Variants in CCNY observed in about 807,000 individuals in gnomAD.
The protein encoded by CCNY is cyclin-Y.
A neutral mutation model predicts 42.8 loss-of-function variants in CCNY; 19 were observed. The ratio of observed to expected loss-of-function variants is 0.44; its 90% CI spans 0.31 to 0.65. The LOEUF is 0.65. Ranked by LOEUF, CCNY falls within the 30% of genes least tolerant of loss-of-function variation. The probability of loss-of-function intolerance (pLI) is 0.07; values close to 1 mark genes in which losing one functional copy is unlikely to be tolerated. For synonymous variants in CCNY, 165 were observed against 162.7 expected (o/e 1.01, Z -0.11); for missense variants, 370 against 437.3 (o/e 0.85, Z 1.37).
rs370822553 is a variant in CCNY, at chr10:35,485,796, A to G, written c.229+2318A>G. ...TTAATGAATTCTTTAGTGACATGAT[A>G]ATCAGAGAATTGGCTACTTGGTGAA... On this transcript the variant is annotated intron_variant, in intron 2 of 9. Coordinates refer to ENST00000374704, the MANE Select transcript of CCNY (RefSeq NM_145012.6). 4.6e-5 allele frequency among the ~76,000 whole-genome samples: 7 copies of G among 152,060 alleles called. No homozygotes were observed. In the East Asian group the frequency reaches 1.3e-3, roughly 29 times the overall value.
At chr10:35,451,541 C>T (rs1838916419) in intron 1 of CCNY, among the ~76,000 whole-genome samples, 1 of 152,160 alleles carries the variant, frequency 6.6e-6, no homozygotes, top group Admixed American at 6.5e-5. Flanking sequence ...CACTTCTGAG[C>T]AGGTTTTGGT....
chr10:35,546,122 C>T (rs781327114), intron 7 of CCNY, among the ~76,000 whole-genome samples: 4 of 152,136 alleles, frequency 2.6e-5, no homozygotes, highest in Admixed American at 6.5e-5. Flanking sequence ...CAACCTCAGC[C>T]GTATTGGAAC....
chr10:35,568,205 C>T (rs1841609752), intron 9 of CCNY, among the ~76,000 whole-genome samples: 1 of 152,220 alleles, frequency 6.6e-6, no homozygotes, highest in Admixed American at 6.5e-5. Context: ...GGAGTTGGCA[C>T]CTGCTGTTCC....
chr10:35,389,230 G>GCTA (rs1052536026), intron 1 of CCNY, among the ~76,000 whole-genome samples: 2 of 151,952 alleles, frequency 1.3e-5, no homozygotes, highest in African/African-American at 2.4e-5. Context: ...TTTTATTGCT[G>GCTA]CTACTACTAC....
chr10:35,284,647 C>T lies in CCNY; in HGVS notation c.-9+34021C>T, dbSNP rs184990349. On this transcript the variant is annotated intron_variant, in intron 3 of 11. Coordinates refer to the CCNY transcript ENST00000374706. Reference sequence around the variant, plus strand: ...TCTCTGATCCTTGTTTCCTTCCTTCCGCTTGGTTAGGTTTCTTTTGCTAGT... The same window carrying T: ...TCTCTGATCCTTGTTTCCTTCCTTCTGCTTGGTTAGGTTTCTTTTGCTAGT... Among the ~76,000 whole-genome samples, 151 of 151,756 alleles carry T rather than the reference C, an allele frequency of 1.0e-3. 1 individual carries two copies. Among genetic ancestry groups the T allele is most frequent in the African/African-American group, 3.4e-3 (140 of 41,372 alleles).
intron 1 of CCNY, among the ~76,000 whole-genome samples, chr10:35,390,716 C>T (rs1449321941): frequency 2.0e-5 from 3 of 152,186 alleles, no homozygotes; most frequent in Non-Finnish European, 2.9e-5. Context: ...ACACTTGCTG[C>T]CAAAGATGCC....
intron 1 of CCNY, among the ~76,000 whole-genome samples, chr10:35,478,990 A>T (rs1310140814): frequency 6.6e-6 from 1 of 152,254 alleles, no homozygotes; most frequent in African/African-American, 2.4e-5. Context: ...ATGCAGCCAA[A>T]AAACACGTGA....
At chr10:35,292,353 T>G (rs1245016744) in intron 3 of CCNY, among the ~76,000 whole-genome samples, 4 of 152,156 alleles carry the variant, frequency 2.6e-5, no homozygotes, top group Non-Finnish European at 4.4e-5. Flanking sequence ...TAGTTTTTAA[T>G]TTTTAATTTT....
intron 1 of CCNY, among the ~76,000 whole-genome samples, chr10:35,479,321 G>T (rs1459709242): frequency 1.3e-5 from 2 of 150,648 alleles, no homozygotes; most frequent in African/African-American, 4.9e-5. Flanking sequence ...GTTTATTGCG[G>T]CATTATTCAC....
chr10:35,262,615 G>A (rs983128466), intron 3 of CCNY, among the ~76,000 whole-genome samples: 18 of 152,064 alleles, frequency 1.2e-4, no homozygotes, highest in Admixed American at 7.2e-4. Flanking sequence ...ATCCACTTCG[G>A]CCTCCCAAAG....
At chr10:35,303,777 C>CAAAAA (rs755443366) in intron 3 of CCNY, among the ~76,000 whole-genome samples, 7 of 48,452 alleles carry the variant, frequency 1.4e-4, no homozygotes, top group East Asian at 7.6e-4. Flanking sequence ...AACTCCGTCT[C>CAAAAA]AAAAAAAAAA....
At chr10:35,480,845 A>G (rs920565297) in intron 1 of CCNY, among the ~76,000 whole-genome samples, 2 of 152,074 alleles carry the variant, frequency 1.3e-5, no homozygotes, top group African/African-American at 4.8e-5. Context: ...ACATGCCTGT[A>G]GTCTCAGCTC....
rs775450185 is a variant in CCNY at position 35,253,414 on chromosome 10, A to AATTTTTTTTTTTTTTTTTTTTTTT, written c.-9+2788_-9+2789insATTTTTTTTTTTTTTTTTTTTTTT. ...ACAGGCATGCACCAGCATGCTCACT[A>AATTTTTTTTTTTTTTTTTTTTTTT]TTTTTTTTTTTTTTTTTTTTTTTTT... On this transcript the variant is annotated intron_variant, in intron 3 of 11. Coordinates refer to the CCNY transcript ENST00000374706. 4.5e-5 allele frequency among the ~76,000 whole-genome samples: 4 copies of AATTTTTTTTTTTTTTTTTTTTTTT among 89,036 alleles called. 2 individuals are homozygous for AATTTTTTTTTTTTTTTTTTTTTTT. The highest frequency in any genetic ancestry group is 9.5e-5 in the African/African-American group (2 of 21,142). The allele number at this position is 89,036 out of a possible 152,430, so 58.4% of individuals were successfully genotyped here. A position where few individuals can be genotyped will look rare whatever the true frequency, so the allele number is the denominator to read the frequency against.
At chr10:35,322,943 T>C (rs562995328) in intron 3 of CCNY, among the ~76,000 whole-genome samples, 1 of 152,316 alleles carries the variant, frequency 6.6e-6, no homozygotes, top group Admixed American at 6.5e-5. Context: ...TTTATTTTTT[T>C]TGAGATGGAG....
intron 2 of CCNY, among the ~76,000 whole-genome samples, chr10:35,492,695 G>C (rs1274359000): frequency 6.6e-6 from 1 of 152,210 alleles, no homozygotes; most frequent in South Asian, 2.1e-4. Context: ...ACAAGCATAG[G>C]GGAATGAAGG....
At chr10:35,308,490 T>G (rs1835642129) in intron 3 of CCNY, among the ~76,000 whole-genome samples, 2 of 152,116 alleles carry the variant, frequency 1.3e-5, no homozygotes, top group Non-Finnish European at 2.9e-5. Context: ...AGTTTGAGGC[T>G]GCAGTGAGTT....
intron 7 of CCNY, among the ~76,000 whole-genome samples, chr10:35,534,349 A>G (rs61520805): frequency 0.059 from 9,054 of 152,210 alleles, 806 homozygotes; most frequent in African/African-American, 0.19. Flanking sequence ...AGGGACAGAA[A>G]AAAACTCGTC....
intron 3 of CCNY, among the ~76,000 whole-genome samples, chr10:35,514,436 G>A (rs1840388374): frequency 6.6e-6 from 1 of 152,176 alleles, no homozygotes; most frequent in Non-Finnish European, 1.5e-5. Flanking sequence ...TCAGGCCAGG[G>A]CAGGGTCCCT....
chr10:35,351,210 T>C (rs2504361), intron 1 of CCNY, among the ~76,000 whole-genome samples: 10,569 of 152,294 alleles, frequency 0.069, 587 homozygotes, highest in African/African-American at 0.16. Flanking sequence ...TCAGGACTTA[T>C]GTCAGTGTGT....
Sources: gnomAD v4.1 joint callset for allele counts (sites outside exome capture counted in the v4.1 genomes callset) on GRCh38, gnomAD v4.1.1 for gene constraint, MANE v1.5 for transcripts, NCBI Gene and HGNC (gene_info 2026-07-23, HGNC 2026-07-21) for gene names.